The following COA1 variants were observed in gnomAD, a reference collection of about 807,000 sequenced individuals.
COA1 encodes cytochrome c oxidase assembly factor 1 homolog.
A neutral mutation model predicts 16.0 loss-of-function variants in COA1; 13 were observed. The ratio of observed to expected loss-of-function variants is 0.81; its 90% CI spans 0.53 to 1.29. The LOEUF (loss-of-function observed/expected upper bound fraction) is 1.29, where lower values mean the gene tolerates loss of function less well. COA1 is among the 50% of genes most tolerant of loss of function. COA1 has a pLI of 0.00. For synonymous variants in COA1, 65 were observed against 65.7 expected, an observed-to-expected ratio of 0.99 and a Z score of 0.05; for missense variants, 179 against 177.0, an observed-to-expected ratio of 1.01 and a Z score of -0.06.
chr7:43,691,289 G>GAA (rs1393924031), intron 1 of COA1, among the ~76,000 whole-genome samples: 1 of 51,130 alleles, frequency 2.0e-5, no homozygotes, highest in East Asian at 4.9e-4. Context: ...AAGAAAGAAA[G>GAA]AAAGAAAGAA....
intron 1 of COA1, among the ~76,000 whole-genome samples, chr7:43,663,597 A>G (rs1158736814): frequency 7.0e-6 from 1 of 142,480 alleles, no homozygotes; most frequent in Non-Finnish European, 1.5e-5. Flanking sequence ...TGAGCCCAAG[A>G]GTTTGAGACT....
chr7:43,683,946 G>C lies in COA1; in HGVS notation c.-38-35294C>G, dbSNP rs371803462. On this transcript the variant is annotated intron_variant, in intron 1 of 5. Coordinates refer to ENST00000223336, the MANE Select transcript of COA1 (RefSeq NM_018224.4). ...CACAAAGGTAAGGAACAATGTTTGA[G>C]GTCACAACTGAAAAGACACAACAAT... Among the ~76,000 whole-genome samples the C allele has an allele frequency of 2.6e-5, 4 of 152,280 alleles. No individual in the cohort carries two copies. In the East Asian group the frequency reaches 5.8e-4, roughly 22 times the overall value.
chr7:43,680,319 GC>G (rs1349966261), intron 1 of COA1, among the ~76,000 whole-genome samples: 1 of 149,748 alleles, frequency 6.7e-6, no homozygotes, highest in Admixed American at 6.7e-5. Flanking sequence ...AGGGAGGAGA[GC>G]ATAAGAAATG....
intron 6 of COA1, among the ~76,000 whole-genome samples, chr7:43,611,157 T>G (rs1187898328): frequency 6.6e-6 from 1 of 152,074 alleles, no homozygotes; most frequent in African/African-American, 2.4e-5. Flanking sequence ...AATCTGGAGG[T>G]TGACTTCTAC....
intron 1 of COA1, among the ~76,000 whole-genome samples, chr7:43,663,142 G>A (rs1045017578): frequency 2.6e-5 from 4 of 152,268 alleles, no homozygotes; most frequent in Admixed American, 2.6e-4. Flanking sequence ...GTTGTTTCAA[G>A]TATGTGGCAC....
chr7:43,646,284 G>A (rs955715578), intron 3 of COA1: 24 of 285,876 alleles, frequency 8.4e-5, no homozygotes, highest in African/African-American at 4.6e-4. Context: ...GAAAAGAAGG[G>A]ACAGAAGCAG....
At chr7:43,633,183 T>C (rs1583973625) in intron 6 of COA1, 1 of 152,244 alleles carries the variant, frequency 6.6e-6, no homozygotes, top group Admixed American at 6.5e-5. Context: ...CTTTCATCGA[T>C]GGTCCAAGCT....
rs188212285 is a variant in COA1, at chr7:43,620,653, G to A, written c.*134-11158C>T. 2.9e-4 allele frequency among the ~76,000 whole-genome samples: 42 copies of A among 147,098 alleles called. 1 individual carries two copies. In the East Asian group the frequency reaches 7.0e-3, roughly 25 times the overall value. ...CGTGCCACTGCACTCCAGCCTGGGC[G>A]ACAGAGTGAGACTCCGTCTCAAAAA... is the stretch of plus-strand genomic sequence containing the variant. On this transcript the variant is annotated intron_variant and NMD_transcript_variant, in intron 6 of 6. Transcript: ENST00000415076.
At chr7:43,697,361 G>C (rs13239421) in intron 1 of COA1, among the ~76,000 whole-genome samples, 1 of 151,396 alleles carries the variant, frequency 6.6e-6, no homozygotes, top group African/African-American at 2.4e-5. Flanking sequence ...GCATGATCTC[G>C]ACTCACTGCA....
chr7:43,666,744 C>G (rs1449356621), intron 1 of COA1, among the ~76,000 whole-genome samples: 1 of 152,136 alleles, frequency 6.6e-6, no homozygotes, highest in Non-Finnish European at 1.5e-5. Context: ...GAGCTGGATG[C>G]TGAAAAGTCA....
At chr7:43,646,426 A>T in intron 3 of COA1, 1 of 386,312 alleles carries the variant, frequency 2.6e-6, no homozygotes, top group Non-Finnish European at 5.3e-6. Context: ...AAGCACTAAC[A>T]TTACCACACA....
At chr7:43,715,807 A>G (rs769492642) in intron 1 of COA1, among the ~76,000 whole-genome samples, 3 of 152,144 alleles carry the variant, frequency 2.0e-5, no homozygotes, top group Non-Finnish European at 2.9e-5. Context: ...CCCCACTCAA[A>G]TCTCATCCTG....
chr7:43,683,411 T>C (rs1422086643), intron 1 of COA1, among the ~76,000 whole-genome samples: 1 of 151,986 alleles, frequency 6.6e-6, no homozygotes. Context: ...GGCAGGTGGA[T>C]CACGAGGTCA....
intron 1 of COA1, among the ~76,000 whole-genome samples, chr7:43,725,194 C>T (rs1290985829): frequency 1.3e-5 from 2 of 151,214 alleles, no homozygotes; most frequent in Non-Finnish European, 2.9e-5. Flanking sequence ...GCTGAGAACA[C>T]GCCACTGCAC....
chr7:43,624,459 T>A, intron 6 of COA1: 1 of 1,495,994 alleles, frequency 6.7e-7, no homozygotes, highest in Non-Finnish European at 9.0e-7. Flanking sequence ...CAGTACCTTA[T>A]GCTCTAATTT....
intron 6 of COA1, among the ~76,000 whole-genome samples, chr7:43,610,334 G>A (rs1443789641): frequency 1.7e-5 from 2 of 116,206 alleles, no homozygotes; most frequent in African/African-American, 3.3e-5. Flanking sequence ...GCAACAGAGC[G>A]AGACTCCGTC....
At chr7:43,635,175 A>G (rs1162046459), downstream of COA1, among the ~76,000 whole-genome samples, 1 of 152,206 alleles carries the variant, frequency 6.6e-6, no homozygotes, top group Non-Finnish European at 1.5e-5. Flanking sequence ...GACTCAGTCA[A>G]ACCACCAAGG....
chr7:43,722,194 G>T (rs1158408343), intron 1 of COA1, among the ~76,000 whole-genome samples: 1 of 151,336 alleles, frequency 6.6e-6, no homozygotes, highest in African/African-American at 2.4e-5. Context: ...AGACTCAGGT[G>T]ATCTTCCCAC....
chr7:43,694,648 G>A (rs1303674231), intron 1 of COA1, among the ~76,000 whole-genome samples: 2 of 152,032 alleles, frequency 1.3e-5, no homozygotes, highest in Non-Finnish European at 2.9e-5. Flanking sequence ...TCTGTTATTG[G>A]TAAGCCTTAT....
Sources: allele counts gnomAD v4.1 joint callset (sites outside exome capture counted in the v4.1 genomes callset), GRCh38; gene constraint gnomAD v4.1.1; transcripts MANE v1.5; gene names NCBI Gene and HGNC (gene_info 2026-07-23, HGNC 2026-07-21).